The following PARD3 variants were observed in gnomAD, a reference collection of about 807,000 sequenced individuals.
PARD3 encodes partitioning defective 3 homolog.
A neutral mutation model predicts 155.4 loss-of-function variants in PARD3; 75 were observed. That is an observed-to-expected ratio of 0.48 (90% CI 0.40 to 0.58). The LOEUF is 0.58. PARD3 is among the 20% of genes least tolerant of loss of function. The pLI is 0.00. For missense variants in PARD3, 1,642 were observed against 1,721.7 expected, an observed-to-expected ratio of 0.95 and a Z score of 0.82; for synonymous variants, 576 against 610.5, an observed-to-expected ratio of 0.94 and a Z score of 0.83.
intron 2 of PARD3, among the ~76,000 whole-genome samples, chr10:34,593,021 G>A (rs372244145): frequency 2.0e-5 from 3 of 152,194 alleles, no homozygotes; most frequent in African/African-American, 7.2e-5. Context: ...AAAGACAAAT[G>A]GATGCTGCAC....
chr10:34,293,918 C>T (rs1446069649), intron 20 of PARD3, among the ~76,000 whole-genome samples: 2 of 152,162 alleles, frequency 1.3e-5, no homozygotes, highest in African/African-American at 4.8e-5. Context: ...CATGGTTTTC[C>T]TTTTCCTAAA....
intron 22 of PARD3, among the ~76,000 whole-genome samples, chr10:34,165,495 G>A (rs34579071): frequency 0.027 from 4,105 of 152,266 alleles, 80 homozygotes; most frequent in Non-Finnish European, 0.04. Flanking sequence ...GCCACTGGGA[G>A]ACAAATGTCC....
intron 21 of PARD3, among the ~76,000 whole-genome samples, chr10:34,281,400 C>A (rs1364464459): frequency 2.0e-5 from 3 of 152,108 alleles, no homozygotes; most frequent in Non-Finnish European, 4.4e-5. Flanking sequence ...TGTTAACTTC[C>A]CCCTTGGTAT....
intron 22 of PARD3, among the ~76,000 whole-genome samples, chr10:34,150,285 C>T (rs1948716522): frequency 6.6e-6 from 1 of 152,122 alleles, no homozygotes; most frequent in South Asian, 2.1e-4. Flanking sequence ...TCATTAGAAA[C>T]CCATGCCTGC....
intron 22 of PARD3, among the ~76,000 whole-genome samples, chr10:34,268,534 T>C (rs1193146077): frequency 1.3e-5 from 2 of 151,120 alleles, no homozygotes; most frequent in Non-Finnish European, 1.5e-5. Context: ...AACCCAAATG[T>C]CCATCAATGA....
intron 5 of PARD3, among the ~76,000 whole-genome samples, chr10:34,403,006 G>A (rs947100978): frequency 6.6e-6 from 1 of 152,180 alleles, no homozygotes; most frequent in Admixed American, 6.5e-5. Context: ...TTATTAGCCA[G>A]ATTAGAACAG....
chr10:34,289,871 T>C (rs552156306), intron 20 of PARD3, among the ~76,000 whole-genome samples: 50 of 152,322 alleles, frequency 3.3e-4, no homozygotes, highest in Admixed American at 2.6e-4. Context: ...TCAACAATGA[T>C]GGACAAAACC....
chr10:34,764,125 C>T (rs1397723535), intron 1 of PARD3, among the ~76,000 whole-genome samples: 1 of 152,146 alleles, frequency 6.6e-6, no homozygotes, highest in East Asian at 1.9e-4. Context: ...GGAAGATGAC[C>T]CAGGCACTGG....
At chr10:34,779,476 C>T (rs373316160) in intron 1 of PARD3, among the ~76,000 whole-genome samples, 4 of 151,610 alleles carry the variant, frequency 2.6e-5, no homozygotes, top group South Asian at 4.2e-4. Context: ...AAAAAATTAG[C>T]CAGGCATGGT....
chr10:34,260,163 T>G (rs1954881871), intron 22 of PARD3, among the ~76,000 whole-genome samples: 1 of 152,088 alleles, frequency 6.6e-6, no homozygotes, highest in South Asian at 2.1e-4. Flanking sequence ...TTTGTAAAGA[T>G]GGGTTTTCGC....
chr10:34,479,581 T>C (rs776571801), intron 3 of PARD3, among the ~76,000 whole-genome samples: 12 of 152,150 alleles, frequency 7.9e-5, no homozygotes, highest in Non-Finnish European at 1.2e-4. Context: ...TTTCCGATAA[T>C]ATTCTTCTTA....
At chr10:34,408,286 T>C (rs1276993663) in intron 5 of PARD3, among the ~76,000 whole-genome samples, 3 of 152,164 alleles carry the variant, frequency 2.0e-5, no homozygotes, top group Non-Finnish European at 4.4e-5. Context: ...AAAAAAATTA[T>C]TCATAACAGT....
chr10:34,543,172 G>A (rs2083774048), intron 2 of PARD3, among the ~76,000 whole-genome samples: 1 of 151,934 alleles, frequency 6.6e-6, no homozygotes, highest in Admixed American at 6.6e-5. Context: ...TCAGGAGGCT[G>A]AGGTGGGAGG....
At chr10:34,210,499 G>A (rs1951693484) in intron 22 of PARD3, among the ~76,000 whole-genome samples, 1 of 152,090 alleles carries the variant, frequency 6.6e-6, no homozygotes. Flanking sequence ...TGGAGTATAC[G>A]TAACAGCTCA....
At chr10:34,735,883 G>A (rs1332557720) in intron 1 of PARD3, among the ~76,000 whole-genome samples, 1 of 152,042 alleles carries the variant, frequency 6.6e-6, no homozygotes, top group Non-Finnish European at 1.5e-5. Flanking sequence ...CTCCACTTGT[G>A]TAATGACACT....
chr10:34,625,114 T>G (rs768097973), intron 2 of PARD3, among the ~76,000 whole-genome samples: 4 of 152,214 alleles, frequency 2.6e-5, no homozygotes, highest in Non-Finnish European at 5.9e-5. Flanking sequence ...GTCCCCAATG[T>G]TGTCAAGGAT....
intron 12 of PARD3, among the ~76,000 whole-genome samples, chr10:34,367,109 T>C (rs533008577): frequency 1.3e-5 from 2 of 152,250 alleles, no homozygotes; most frequent in South Asian, 4.1e-4. Context: ...CAAAGAAACA[T>C]CAGACAAACT....
chr10:34,654,144 A>C (rs1285778109), intron 2 of PARD3, among the ~76,000 whole-genome samples: 1 of 151,934 alleles, frequency 6.6e-6, no homozygotes, highest in East Asian at 1.9e-4. Flanking sequence ...AGGTGTAGAT[A>C]AACACATTTG....
At chr10:34,517,848 C>T (rs1209690450) in intron 2 of PARD3, among the ~76,000 whole-genome samples, 2 of 152,064 alleles carry the variant, frequency 1.3e-5, no homozygotes, top group East Asian at 3.9e-4. Context: ...GAATCCAGGA[C>T]ATCAGTATGA....
Sources: gnomAD v4.1 joint callset for allele counts (sites outside exome capture counted in the v4.1 genomes callset) on GRCh38, gnomAD v4.1.1 for gene constraint, MANE v1.5 for transcripts, NCBI Gene and HGNC (gene_info 2026-07-23, HGNC 2026-07-21) for gene names.